Variants in TRIM27 observed in about 807,000 individuals in gnomAD.
TRIM27 encodes the protein zinc finger protein RFP.
A neutral mutation model predicts 57.6 loss-of-function variants in TRIM27; 12 were observed. The observed-to-expected ratio is 0.21, with a 90% CI of 0.13 to 0.34. TRIM27 has a LOEUF of 0.34. Ranked by LOEUF, TRIM27 falls within the 10% of genes least tolerant of loss-of-function variation. TRIM27 has a pLI of 1.00. For synonymous variants in TRIM27, 266 were observed against 259.0 expected (o/e 1.03, Z -0.26); for missense variants, 403 against 656.8 (o/e 0.61, Z 4.22).
chr6:28,911,112 G>A (rs1039255930), intron 4 of TRIM27, among the ~76,000 whole-genome samples: 2 of 151,832 alleles, frequency 1.3e-5, no homozygotes, highest in Non-Finnish European at 2.9e-5. Context: ...CACTTGCCTC[G>A]TCATCCATCC....
At chr6:28,912,106 CTTTT>C (rs9280507) in intron 3 of TRIM27, among the ~76,000 whole-genome samples, 2 of 136,346 alleles carry the variant, frequency 1.5e-5, no homozygotes, top group Non-Finnish European at 1.6e-5. Flanking sequence ...CTCCAGTATA[CTTTT>C]TTTTTTTTTT....
chr6:28,916,474 C>T (rs2150481688), intron 3 of TRIM27, among the ~76,000 whole-genome samples: 1 of 151,984 alleles, frequency 6.6e-6, no homozygotes, highest in South Asian at 2.1e-4. Flanking sequence ...ATCGCTTGAA[C>T]CTGGCAGGCG....
At chr6:28,917,913 G>A (rs769765500) in intron 3 of TRIM27, among the ~76,000 whole-genome samples, 37 of 150,948 alleles carry the variant, frequency 2.5e-4, no homozygotes, top group Admixed American at 4.0e-4. Context: ...TGCAACCATC[G>A]TCTCACTGGT....
intron 1 of TRIM27, among the ~76,000 whole-genome samples, 194 bp downstream of exon 1, chr6:28,923,019 C>A (rs1774165148): frequency 6.6e-6 from 1 of 152,176 alleles, no homozygotes; most frequent in Non-Finnish European, 1.5e-5. Context: ...TGGGGACACT[C>A]CTGGCTTCCT....
chr6:28,906,860 G>C, intron 7 of TRIM27: 1 of 192,594 alleles, frequency 5.2e-6, no homozygotes, highest in Non-Finnish European at 1.1e-5. Context: ...TAGCACTCAA[G>C]AGCACTATTG....
intron 6 of TRIM27, 126 bp from the exon 7 acceptor site, chr6:28,907,388 T>G: frequency 1.1e-6 from 1 of 890,926 alleles, no homozygotes; most frequent in South Asian, 1.4e-5. Flanking sequence ...CCTCTGTTGT[T>G]AGTCATGCAC....
intron 2 of TRIM27, 127 bp from the exon 3 acceptor site, chr6:28,920,369 T>A (rs1773930198): frequency 1.4e-6 from 1 of 719,322 alleles, no homozygotes; most frequent in African/African-American, 1.7e-5. Flanking sequence ...GCTAACTCAT[T>A]ATTTCCAGTC....
Position 28,903,764 on chromosome 6 carries a change from C to G in TRIM27, c.*306G>C. 10 of 390,112 alleles carry G rather than the reference C, an allele frequency of 2.6e-5. No individual in the cohort carries two copies. The highest frequency in any genetic ancestry group is 1.3e-4 in the South Asian group (2 of 15,600). The allele number at this position is 390,112 out of a possible 1,614,324, so 24.2% of individuals were successfully genotyped here. A position where few individuals can be genotyped will look rare whatever the true frequency, so the allele number is the denominator to read the frequency against. On this transcript the variant is annotated 3_prime_UTR_variant, in exon 8 of 8. Transcript: ENST00000377199. Reference sequence around the variant, plus strand: ...AAGAAGCTGGAAGTATCTTGAACGGCTCTCCAAATCCAAAGATTATCCATA... The same window carrying G: ...AAGAAGCTGGAAGTATCTTGAACGGGTCTCCAAATCCAAAGATTATCCATA...
In TRIM27 at chr6:28,915,694, T is replaced by C. The variant is rs943623154; in HGVS notation, c.748-3976A>G. On this transcript the variant is annotated intron_variant, in intron 3 of 7. Transcript: ENST00000377199. ...AATGGGAACCATGCACAGATTAGCA[T>C]GGCTCCTGCACAAGGATAACACACA... The C allele has an allele frequency of 2.0e-5, 3 of 152,226 alleles. No homozygotes were observed. In the East Asian group the frequency reaches 5.8e-4, roughly 29 times the overall value. 9.4% of individuals were successfully genotyped at this position (152,226 alleles called of 1,614,324 possible).
chr6:28,913,006 A>G (rs926067538), intron 3 of TRIM27, among the ~76,000 whole-genome samples: 3 of 152,136 alleles, frequency 2.0e-5, no homozygotes, highest in Non-Finnish European at 4.4e-5. Context: ...CTGTAATCCC[A>G]GCACTTTGGG....
rs1212872474 is a variant in TRIM27 at position 28,923,187 on chromosome 6, CCGCCCTCCCGGATCCG to C, written c.420+10_420+25del. 1.3e-6 allele frequency: 2 copies of C among 1,522,620 alleles called. No homozygotes were observed. The highest frequency in any genetic ancestry group is 1.7e-4 in the Middle Eastern group (1 of 5,860). The allele number at this position is 1,522,620 out of a possible 1,614,324, so 94.3% of individuals were successfully genotyped here. A position where few individuals can be genotyped will look rare whatever the true frequency, so the allele number is the denominator to read the frequency against. On this transcript the variant is annotated intron_variant, in intron 1 of 7. Transcript: ENST00000377199. ...TCCTCCCTTTGTCCGACTCGCGCTCCCGCCCTCCCGGATCCGCGCCCTCACCTTGAAGCCCTCCACC... is the reference window on the plus strand; with the variant it reads ...TCCTCCCTTTGTCCGACTCGCGCTCCCGCCCTCACCTTGAAGCCCTCCACC...
In TRIM27 at chr6:28,904,851, A is replaced by T; in HGVS notation, c.947-186T>A. ...GCTTGGATTAGCTGGTTACCAGAATACTCTGAAAATACAGAATTTTAGCCC... is the reference window on the plus strand; with the variant it reads ...GCTTGGATTAGCTGGTTACCAGAATTCTCTGAAAATACAGAATTTTAGCCC... On this transcript the variant is annotated intron_variant, in intron 7 of 7. Coordinates refer to ENST00000377199, the MANE Select transcript of TRIM27 (RefSeq NM_006510.5). This position sits in a 1 kb window ranked among gnomAD's most constrained non-coding sequence, Gnocchi z 6.1. 3.5e-6 allele frequency: 2 copies of T among 579,456 alleles called. No individual in the cohort carries two copies. The highest frequency in any genetic ancestry group is 6.1e-6 in the Non-Finnish European group (2 of 328,562). The allele number at this position is 579,456 out of a possible 1,614,324, so 35.9% of individuals were successfully genotyped here.
Position 28,903,600 on chromosome 6 carries a change from G to A in TRIM27, c.*470C>T, listed in dbSNP as rs1463897564. The A allele has an allele frequency of 2.5e-5, 6 of 240,610 alleles. No homozygotes were observed. Among genetic ancestry groups the A allele is most frequent in the East Asian group, 1.8e-4 (3 of 16,750 alleles). The allele number at this position is 240,610 out of a possible 1,614,324, so 14.9% of individuals were successfully genotyped here. On this transcript the variant is annotated 3_prime_UTR_variant, in exon 8 of 8. Coordinates refer to ENST00000377199, the MANE Select transcript of TRIM27 (RefSeq NM_006510.5). ...AGGGGCAGAGGTACTGTTCCCAGAC[G>A]GAAAACTGGGATAAAGGGAGCCATG...
At chr6:28,914,227 C>T (rs1392298587) in intron 3 of TRIM27, among the ~76,000 whole-genome samples, 1 of 150,700 alleles carries the variant, frequency 6.6e-6, no homozygotes, top group Non-Finnish European at 1.5e-5. Context: ...CTTCCACCTC[C>T]GGGTTCAAGA....
intron 1 of TRIM27, among the ~76,000 whole-genome samples, chr6:28,922,964 G>A (rs1774159420): frequency 6.6e-6 from 1 of 152,148 alleles, no homozygotes; most frequent in South Asian, 2.1e-4. Context: ...CAATGTGTCC[G>A]TGAGACAGGT....
chr6:28,917,873 C>G (rs1459932424), intron 3 of TRIM27, among the ~76,000 whole-genome samples: 1 of 151,150 alleles, frequency 6.6e-6, no homozygotes, highest in African/African-American at 2.4e-5. Context: ...ATTGCCCAGG[C>G]TGGAATGCAA....
In TRIM27 at chr6:28,913,267, A is replaced by ATAT. The variant is rs1230034469; in HGVS notation, c.748-1550_748-1549insATA. ...TGAAACTCCATCTCAAAAAAAAAAA[A>ATAT]AAATATATATATATATATATAATAT... is the stretch of plus-strand genomic sequence containing the variant. On this transcript the variant is annotated intron_variant, in intron 3 of 7. Coordinates refer to ENST00000377199, the MANE Select transcript of TRIM27 (RefSeq NM_006510.5). 1.4e-3 allele frequency among the ~76,000 whole-genome samples: 190 copies of ATAT among 133,562 alleles called. 1 individual carries two copies. Among genetic ancestry groups the ATAT allele is most frequent in the African/African-American group, 5.5e-3 (179 of 32,320 alleles). The allele number at this position is 133,562 out of a possible 152,430, so 87.6% of individuals were successfully genotyped here. A position where few individuals can be genotyped will look rare whatever the true frequency, so the allele number is the denominator to read the frequency against.
In TRIM27 at chr6:28,913,026, C is replaced by T. The variant is rs1029132424; in HGVS notation, c.748-1308G>A. Among the ~76,000 whole-genome samples the T allele has an allele frequency of 4.6e-5, 7 of 151,956 alleles. 1 individual carries two copies. The highest frequency in any genetic ancestry group is 4.8e-5 in the African/African-American group (2 of 41,392). On this transcript the variant is annotated intron_variant, in intron 3 of 7. Transcript: ENST00000377199. The stretch of plus-strand genomic sequence containing the variant: ...ATCCCAGCACTTTGGGAGGTCCAGG[C>T]GGGCGGATCACCTGAGGTCGGGAGT...
rs1774169172 is a variant in TRIM27 at position 28,923,068 on chromosome 6, G to A, written c.420+145C>T. 7.2e-6 allele frequency: 7 copies of A among 972,530 alleles called. 1 individual carries two copies. The East Asian group carries it at 1.3e-4, about 18-fold the overall frequency. The allele number at this position is 972,530 out of a possible 1,614,324, so 60.2% of individuals were successfully genotyped here. On this transcript the variant is annotated intron_variant, in intron 1 of 7. Transcript: ENST00000377199. ...TTTTCCTCCAAATCTGAGTGCTGAG[G>A]CTCTGGAGCGGACAGAGAGGAAATG...
Sources: gnomAD v4.1 joint callset for allele counts (sites outside exome capture counted in the v4.1 genomes callset) on GRCh38, gnomAD v4.1.1 for gene constraint, Gnocchi (gnomAD v3.1) non-coding constraint, MANE v1.5 for transcripts, NCBI Gene and HGNC (gene_info 2026-07-23, HGNC 2026-07-21) for gene names.